Variants in XPNPEP3 observed in about 807,000 individuals in gnomAD.
XPNPEP3 encodes the protein xaa-Pro aminopeptidase 3.
A neutral mutation model predicts 60.0 loss-of-function variants in XPNPEP3; 41 were observed. The observed-to-expected ratio is 0.68, with a 90% confidence interval of 0.53 to 0.89. The LOEUF is 0.89. Among genes scored for constraint, XPNPEP3 ranks in the 40% least tolerant of loss-of-function variants. XPNPEP3 has a pLI of 0.00. For missense variants in XPNPEP3, 598 were observed against 638.9 expected, an observed-to-expected ratio of 0.94 and a Z score of 0.69; for synonymous variants, 212 against 223.2, an observed-to-expected ratio of 0.95 and a Z score of 0.45.
Position 40,881,875 on chromosome 22 carries a change from C to G in XPNPEP3, c.287C>G (p.Thr96Arg), listed in dbSNP as rs200817248. The change falls in exon 3 of 10, where the codon ACA (threonine) becomes AGA (arginine). Residue 96 changes from threonine (T) to arginine (R), a missense_variant. Coordinates refer to ENST00000357137, the MANE Select transcript of XPNPEP3 (RefSeq NM_022098.4). The stretch of plus-strand genomic sequence containing the variant: ...CAAGGGCAGAGTGGGACAGACCAGA[C>G]AGTGGTTGTGCTCTCCAACCCTACA... The part of the protein sequence containing the change: ...EAQGQSGTDQ[T>R]VVVLSNPTYY... The G allele has an allele frequency of 1.9e-6, 3 of 1,614,064 alleles. No homozygotes were observed. Among genetic ancestry groups the G allele is most frequent in the East Asian group, 2.2e-5 (1 of 44,894 alleles).
At position 40,910,392 on chromosome 22, in the gene XPNPEP3, G is replaced by T. The variant is rs557547208; in HGVS notation, c.969+1157G>T. 3.5e-3 allele frequency among the ~76,000 whole-genome samples: 538 copies of T among 152,184 alleles called. 5 individuals are homozygous for T. The highest frequency in any genetic ancestry group is 0.017 in the Middle Eastern group (5 of 294). On this transcript the variant is annotated intron_variant, in intron 6 of 9. Coordinates refer to ENST00000357137, the MANE Select transcript of XPNPEP3 (RefSeq NM_022098.4). Reference sequence around the variant, plus strand: ...AATTGTATGCTCTGTATGTAGTTTGGAGGGATTTTTTTTAACTCCTAAATA... The same window carrying T: ...AATTGTATGCTCTGTATGTAGTTTGTAGGGATTTTTTTTAACTCCTAAATA...
intron 1 of XPNPEP3, chr22:40,860,320 C>A (rs576793638): frequency 4.5e-4 from 70 of 156,900 alleles, no homozygotes; most frequent in Non-Finnish European, 9.0e-4. Context: ...GACTTCAACC[C>A]TCCTGCCTGG....
At position 40,922,335 on chromosome 22, in the gene XPNPEP3, T is replaced by C. The variant is rs2058219660; in HGVS notation, c.1058T>C (p.Phe353Ser). The C allele has an allele frequency of 6.2e-7, 1 of 1,613,848 alleles. No homozygotes were observed. The highest frequency in any genetic ancestry group is 8.5e-7 in the Non-Finnish European group (1 of 1,179,826). Residue 353 changes from phenylalanine to serine, a missense_variant and splice_region_variant, in exon 8 of 10, where the codon TTC (phenylalanine) becomes TCC (serine). Coordinates refer to ENST00000357137, the MANE Select transcript of XPNPEP3 (RefSeq NM_022098.4). ...ITRTWPVNGR[F>S]TAPQAELYEA... The stretch of plus-strand genomic sequence containing the variant: ...TTCTTTGGTTTTCCCGTCCCCAGGT[T>C]CACCGCACCTCAGGCAGAACTCTAT...
intron 4 of XPNPEP3, among the ~76,000 whole-genome samples, chr22:40,905,045 C>T (rs1240290048): frequency 1.3e-5 from 2 of 151,064 alleles, no homozygotes; most frequent in African/African-American, 4.9e-5. Context: ...GGATTACAGG[C>T]GTGAGCCACC....
At chr22:40,895,723 G>A (rs2058105243) in intron 4 of XPNPEP3, among the ~76,000 whole-genome samples, 1 of 152,096 alleles carries the variant, frequency 6.6e-6, no homozygotes, top group Admixed American at 6.6e-5. Flanking sequence ...AAAATCTGAT[G>A]CTTGACCAAC....
chr22:40,884,603 G>T (rs1339895354), intron 3 of XPNPEP3, among the ~76,000 whole-genome samples: 1 of 150,956 alleles, frequency 6.6e-6, no homozygotes, highest in Non-Finnish European at 1.5e-5. Flanking sequence ...CAGGGTGCTG[G>T]GATTACAGGC....
rs2058101364 is a variant in XPNPEP3, at chr22:40,894,715, A to G, written c.792+8200A>G. On this transcript the variant is annotated intron_variant, in intron 4 of 9. Coordinates refer to ENST00000357137, the MANE Select transcript of XPNPEP3 (RefSeq NM_022098.4). ...TCATAGACTTGGTTGCCATTTCAAG[A>G]GATCAAGTTAGGCCATCAACTGTTG... 2.0e-5 allele frequency among the ~76,000 whole-genome samples: 3 copies of G among 152,306 alleles called. No individual in the cohort carries two copies. The South Asian group carries it at 6.2e-4, about 32-fold the overall frequency.
At chr22:40,899,149 T>C (rs2058121283) in intron 4 of XPNPEP3, among the ~76,000 whole-genome samples, 1 of 152,184 alleles carries the variant, frequency 6.6e-6, no homozygotes, top group Non-Finnish European at 1.5e-5. Flanking sequence ...CTTATGTCCA[T>C]GGTTTTTTAC....
At chr22:40,921,590 GT>G (rs2058216961) in intron 7 of XPNPEP3, among the ~76,000 whole-genome samples, 2 of 151,816 alleles carry the variant, frequency 1.3e-5, no homozygotes, top group South Asian at 4.2e-4. Flanking sequence ...TGCTATTATA[GT>G]TAAGCATTCT....
At chr22:40,893,246 G>T (rs1437266696) in intron 4 of XPNPEP3, among the ~76,000 whole-genome samples, 1 of 150,290 alleles carries the variant, frequency 6.7e-6, no homozygotes, top group South Asian at 2.1e-4. Flanking sequence ...GGGCGCTTAT[G>T]CCTGTAATCC....
chr22:40,894,619 C>A (rs1488858032), intron 4 of XPNPEP3, among the ~76,000 whole-genome samples: 4 of 152,142 alleles, frequency 2.6e-5, no homozygotes. Context: ...ATAGTTTAAG[C>A]TTCAATGGAG....
In XPNPEP3 at chr22:40,902,574, G is replaced by A. The variant is rs190783633; in HGVS notation, c.793-5013G>A. ...CAATTTTTGTATTTTTAGCAGAGAC[G>A]GGGTTTCACCATGTTGGTCAGGCTG... On this transcript the variant is annotated intron_variant, in intron 4 of 9. Coordinates refer to ENST00000357137, the MANE Select transcript of XPNPEP3 (RefSeq NM_022098.4). Among the ~76,000 whole-genome samples, 9 of 151,852 alleles carry A rather than the reference G, an allele frequency of 5.9e-5. No individual in the cohort carries two copies. In the South Asian group the frequency reaches 6.2e-4, roughly 11 times the overall value.
rs2058250133 is a variant in XPNPEP3 at position 40,930,252 on chromosome 22, C to T, written c.*3817C>T. On this transcript the variant is annotated 3_prime_UTR_variant, in exon 10 of 10. Transcript: ENST00000357137. ...TCAGGCAATTCTTCTGCCTCAGCCT[C>T]CTGAGTAGCTGGGACTACAGGCGCG... 1.3e-5 allele frequency: 2 copies of T among 151,504 alleles called. No individual in the cohort carries two copies. The highest frequency in any genetic ancestry group is 1.3e-4 in the Admixed American group (2 of 15,164). 9.4% of individuals were successfully genotyped at this position (151,504 alleles called of 1,614,324 possible). A position where few individuals can be genotyped will look rare whatever the true frequency, so the allele number is the denominator to read the frequency against.
At chr22:40,899,099 A>C (rs1246012470) in intron 4 of XPNPEP3, among the ~76,000 whole-genome samples, 2 of 152,190 alleles carry the variant, frequency 1.3e-5, no homozygotes, top group Non-Finnish European at 2.9e-5. Context: ...ATTGCATGTA[A>C]TAGTCTAGAA....
intron 2 of XPNPEP3, among the ~76,000 whole-genome samples, chr22:40,872,105 TCTTTGCCATAC>T (rs2058008281): frequency 6.6e-6 from 1 of 152,192 alleles, no homozygotes; most frequent in East Asian, 1.9e-4. Flanking sequence ...CCTAGATTTT[TCTTTGCCATAC>T]CTACCTATCC....
At chr22:40,918,716 G>A (rs1325215692) in intron 7 of XPNPEP3, among the ~76,000 whole-genome samples, 1 of 151,394 alleles carries the variant, frequency 6.6e-6, no homozygotes, top group African/African-American at 2.4e-5. Context: ...GATATTTGTT[G>A]GTAAGATTGT....
At chr22:40,893,543 A>G (rs1239982238) in intron 4 of XPNPEP3, among the ~76,000 whole-genome samples, 6 of 151,436 alleles carry the variant, frequency 4.0e-5, no homozygotes, top group Non-Finnish European at 8.8e-5. Context: ...CATCCTGTGA[A>G]ACAGGAATCA....
chr22:40,869,320 T>G (rs937920469), intron 2 of XPNPEP3, among the ~76,000 whole-genome samples: 19 of 152,170 alleles, frequency 1.2e-4, no homozygotes. Context: ...TAATTTAAAT[T>G]TAAGCTTAAC....
intron 2 of XPNPEP3, among the ~76,000 whole-genome samples, chr22:40,873,790 G>A (rs954437710): frequency 8.6e-5 from 13 of 151,792 alleles, no homozygotes; most frequent in African/African-American, 3.1e-4. Context: ...GAGCAAGACC[G>A]TCTCAAAAAT....
Sources: gnomAD v4.1 joint callset for allele counts (sites outside exome capture counted in the v4.1 genomes callset) on GRCh38, gnomAD v4.1.1 for gene constraint, MANE v1.5 for transcripts, NCBI Gene and HGNC (gene_info 2026-07-23, HGNC 2026-07-21) for gene names.